Variants in GSK3B observed in about 807,000 individuals in gnomAD.
GSK3B encodes glycogen synthase kinase 3 beta, also known as glycogen synthase kinase-3 beta.
Under a neutral mutation model 56.4 loss-of-function variants are expected in GSK3B, and 15 were observed. That is an observed-to-expected ratio of 0.27 (90% CI 0.18 to 0.41). The LOEUF is 0.41. Among genes scored for constraint, GSK3B ranks in the 10% least tolerant of loss-of-function variants. The pLI is 1.00. For synonymous variants in GSK3B, 181 were observed against 188.9 expected, an observed-to-expected ratio of 0.96 and a Z score of 0.34; for missense variants, 300 against 513.4, an observed-to-expected ratio of 0.58 and a Z score of 4.02.
intron 2 of GSK3B, among the ~76,000 whole-genome samples, chr3:120,001,183 C>A (rs1197666291): frequency 6.6e-6 from 1 of 151,768 alleles, no homozygotes; most frequent in Non-Finnish European, 1.5e-5. Context: ...TAGCACCATC[C>A]CCTTGTTGAT....
intron 2 of GSK3B, among the ~76,000 whole-genome samples, chr3:119,989,636 G>A (rs2057545535): frequency 6.8e-6 from 1 of 148,132 alleles, no homozygotes; most frequent in Admixed American, 6.7e-5. Flanking sequence ...CGGAGCAAGA[G>A]TCTGACTCCA....
At chr3:119,937,789 A>G (rs948333205) in intron 3 of GSK3B, among the ~76,000 whole-genome samples, 1 of 151,988 alleles carries the variant, frequency 6.6e-6, no homozygotes, top group African/African-American at 2.4e-5. Flanking sequence ...TGAATAAAAC[A>G]GAGAACAGAA....
intron 2 of GSK3B, among the ~76,000 whole-genome samples, chr3:119,955,749 G>C (rs1286804808): frequency 6.6e-6 from 1 of 152,100 alleles, no homozygotes; most frequent in Non-Finnish European, 1.5e-5. Context: ...CGCCTCCTGG[G>C]TTCAAGCGAT....
At chr3:120,028,525 A>G (rs2057948218) in intron 1 of GSK3B, among the ~76,000 whole-genome samples, 1 of 152,152 alleles carries the variant, frequency 6.6e-6, no homozygotes. Flanking sequence ...GTTAACTCTC[A>G]TGCCCCTACT....
chr3:119,895,927 G>C (rs1330954490), intron 7 of GSK3B, among the ~76,000 whole-genome samples: 3 of 151,976 alleles, frequency 2.0e-5, no homozygotes, highest in Non-Finnish European at 4.4e-5. Flanking sequence ...AGGAGTTTGA[G>C]ATCAGCCTGG....
intron 8 of GSK3B, among the ~76,000 whole-genome samples, chr3:119,865,215 T>C (rs1347950020): frequency 6.6e-6 from 1 of 151,896 alleles, no homozygotes; most frequent in Non-Finnish European, 1.5e-5. Flanking sequence ...TGTTTGATAG[T>C]ATATGGATTT....
At chr3:119,928,204 A>G (rs1185212806) in intron 3 of GSK3B, among the ~76,000 whole-genome samples, 3 of 152,226 alleles carry the variant, frequency 2.0e-5, no homozygotes, top group African/African-American at 7.2e-5. Flanking sequence ...AAGGGGAGCA[A>G]AAGTCAAAGA....
chr3:119,831,920 T>G (rs935932128), intron 10 of GSK3B, among the ~76,000 whole-genome samples: 8 of 152,124 alleles, frequency 5.3e-5, no homozygotes, highest in African/African-American at 1.9e-4. Flanking sequence ...CAATCAGCTT[T>G]GTGGGGAAGG....
At chr3:119,844,319 A>G in intron 9 of GSK3B, among the ~76,000 whole-genome samples, 1 of 152,052 alleles carries the variant, frequency 6.6e-6, no homozygotes, top group East Asian at 1.9e-4. Flanking sequence ...ACAAGAAATA[A>G]CTAAGATCAG....
intron 10 of GSK3B, among the ~76,000 whole-genome samples, chr3:119,827,215 T>C (rs145166660): frequency 9.9e-5 from 15 of 152,198 alleles, no homozygotes; most frequent in African/African-American, 3.6e-4. Flanking sequence ...TGGGAAAACT[T>C]GCTAAAAATT....
intron 3 of GSK3B, among the ~76,000 whole-genome samples, chr3:119,942,735 T>A (rs1188725838): frequency 1.3e-5 from 2 of 152,128 alleles, no homozygotes; most frequent in Non-Finnish European, 2.9e-5. Flanking sequence ...TTCAGAAAAT[T>A]TCATTGGGGA....
chr3:119,986,690 C>T (rs1396833736), intron 2 of GSK3B, among the ~76,000 whole-genome samples: 1 of 152,146 alleles, frequency 6.6e-6, no homozygotes, highest in African/African-American at 2.4e-5. Context: ...ACAACAGATG[C>T]TGGAGAGGAT....
intron 1 of GSK3B, among the ~76,000 whole-genome samples, chr3:120,013,260 G>A (rs76806912): frequency 0.016 from 2,434 of 152,266 alleles, 63 homozygotes; most frequent in African/African-American, 0.055. Context: ...GTCTGGCACT[G>A]ACACTCTAAT....
chr3:119,839,984 A>T (rs2055749113), intron 10 of GSK3B, among the ~76,000 whole-genome samples: 1 of 152,194 alleles, frequency 6.6e-6, no homozygotes, highest in African/African-American at 2.4e-5. Context: ...TTCAAGGTCT[A>T]GAGCTTTATA....
chr3:119,917,659 CTT>C (rs552373286), intron 4 of GSK3B, among the ~76,000 whole-genome samples: 2 of 123,608 alleles, frequency 1.6e-5, no homozygotes, highest in African/African-American at 3.1e-5. Flanking sequence ...AACGAGTTTT[CTT>C]TTTTTTTTTT....
intron 4 of GSK3B, among the ~76,000 whole-genome samples, chr3:119,919,818 T>A (rs1288837643): frequency 6.6e-6 from 1 of 151,308 alleles, no homozygotes; most frequent in African/African-American, 2.4e-5. Context: ...AGCCACATGA[T>A]GAAGTAATAT....
chr3:119,961,565 T>C (rs146846563), intron 2 of GSK3B, among the ~76,000 whole-genome samples: 391 of 150,976 alleles, frequency 2.6e-3, no homozygotes, highest in African/African-American at 8.5e-3. Context: ...AAGGCAGAAG[T>C]TGCAGTGAGC....
intron 10 of GSK3B, among the ~76,000 whole-genome samples, chr3:119,840,359 G>T (rs1399373802): frequency 6.6e-6 from 1 of 151,852 alleles, no homozygotes. Flanking sequence ...TGAGTAGCTG[G>T]GATTACAGGC....
chr3:119,860,194 T>C (rs912828455), intron 9 of GSK3B, among the ~76,000 whole-genome samples: 1 of 152,208 alleles, frequency 6.6e-6, no homozygotes. Context: ...AGTCTTGGAA[T>C]AGGCAACAAA....
Sources: gnomAD v4.1 joint callset for allele counts (sites outside exome capture counted in the v4.1 genomes callset) on GRCh38, gnomAD v4.1.1 for gene constraint, MANE v1.5 for transcripts, NCBI Gene and HGNC (gene_info 2026-07-23, HGNC 2026-07-21) for gene names.